CTNNA2: variants seen among roughly 807,000 people sequenced by gnomAD.
The protein encoded by CTNNA2 is catenin alpha-2.
A neutral mutation model predicts 101.0 loss-of-function variants in CTNNA2; 42 were observed. The observed-to-expected ratio is 0.42, with a 90% CI of 0.32 to 0.54. The LOEUF (loss-of-function observed/expected upper bound fraction) is 0.54, where lower values mean the gene tolerates loss of function less well. Ranked by LOEUF, CTNNA2 falls within the 20% of genes least tolerant of loss-of-function variation. The pLI, the probability that CTNNA2 is intolerant of heterozygous loss-of-function variation, is 0.14. For missense variants in CTNNA2, 871 were observed against 1,223.1 expected, an observed-to-expected ratio of 0.71 and a Z score of 4.29; for synonymous variants, 450 against 456.4, an observed-to-expected ratio of 0.99 and a Z score of 0.18.
chr2:79,747,313 A>C (rs58762590), intron 3 of CTNNA2, among the ~76,000 whole-genome samples: 1 of 152,194 alleles, frequency 6.6e-6, no homozygotes, highest in Non-Finnish European at 1.5e-5. Flanking sequence ...GTTTTCATGC[A>C]TCTATAGCCT....
intron 3 of CTNNA2, among the ~76,000 whole-genome samples, chr2:79,317,124 A>G (rs1006320042): frequency 2.0e-5 from 3 of 151,854 alleles, no homozygotes; most frequent in African/African-American, 7.2e-5. Flanking sequence ...AATAATGGGC[A>G]TTGGGTTTGT....
At chr2:79,209,042 A>T (rs1674135896) in intron 2 of CTNNA2, among the ~76,000 whole-genome samples, 1 of 152,148 alleles carries the variant, frequency 6.6e-6, no homozygotes, top group Non-Finnish European at 1.5e-5. Flanking sequence ...TAGGTTGGGC[A>T]TGGTGGCTCA....
At chr2:79,397,081 C>T (rs1211242830) in intron 4 of CTNNA2, among the ~76,000 whole-genome samples, 1 of 151,982 alleles carries the variant, frequency 6.6e-6, no homozygotes, top group Admixed American at 6.6e-5. Flanking sequence ...CCAGGGACTA[C>T]ATATTTTTAT....
intron 3 of CTNNA2, among the ~76,000 whole-genome samples, chr2:79,827,081 C>G (rs1328406422): frequency 6.6e-6 from 1 of 152,140 alleles, no homozygotes; most frequent in East Asian, 1.9e-4. Flanking sequence ...CTCTGTCACC[C>G]AGGCTGGAGT....
intron 15 of CTNNA2, among the ~76,000 whole-genome samples, chr2:80,591,457 G>GTTGTTTT (rs1553401310): frequency 4.3e-5 from 3 of 70,314 alleles, no homozygotes; most frequent in Admixed American, 1.8e-4. Context: ...TGCACAGCCT[G>GTTGTTTT]TTTTTTTTTT....
At chr2:79,539,233 A>G (rs1438783814) in intron 1 of CTNNA2, among the ~76,000 whole-genome samples, 4 of 152,174 alleles carry the variant, frequency 2.6e-5, no homozygotes, top group Non-Finnish European at 5.9e-5. Context: ...TGAGGCATGC[A>G]AATGGCAGGA....
intron 4 of CTNNA2, among the ~76,000 whole-genome samples, chr2:79,483,531 C>A (rs1671129703): frequency 6.6e-6 from 1 of 152,088 alleles, no homozygotes; most frequent in Non-Finnish European, 1.5e-5. Flanking sequence ...TCCAGTTCCC[C>A]ATGGGCTGGT....
chr2:79,487,226 G>A (rs1671167007), intron 4 of CTNNA2, among the ~76,000 whole-genome samples: 2 of 143,656 alleles, frequency 1.4e-5, no homozygotes, highest in Admixed American at 7.3e-5. Flanking sequence ...GCAAGTCTAA[G>A]GGAAAGATTG....
chr2:80,302,927 C>T lies in CTNNA2; in HGVS notation c.1057-90284C>T, dbSNP rs896430309. On this transcript the variant is annotated intron_variant, in intron 7 of 18. Transcript: ENST00000402739. The surrounding 1 kb of genome is among the most constrained non-coding windows in gnomAD (Gnocchi z 6.4). ...CAGGGACTTCCAAGAGTTGAGGATCCGGGGCTCGATGTAGGTGAGGCGGTT... is the reference window on the plus strand; with the variant it reads ...CAGGGACTTCCAAGAGTTGAGGATCTGGGGCTCGATGTAGGTGAGGCGGTT... The T allele has an allele frequency of 2.3e-5, 37 of 1,613,756 alleles. No homozygotes were observed. Among genetic ancestry groups the T allele is most frequent in the African/African-American group, 5.3e-5 (4 of 74,806 alleles).
Position 80,361,510 on chromosome 2 carries a change from A to G in CTNNA2, c.1057-31701A>G, listed in dbSNP as rs914249590. On this transcript the variant is annotated intron_variant, in intron 7 of 18. Transcript: ENST00000402739. ...TCACAAACTACATGTAGTTTCTTGA[A>G]TGGCTTATTCTTATTTCTAAGACAA... Among the ~76,000 whole-genome samples, 38 of 152,108 alleles carry G rather than the reference A, an allele frequency of 2.5e-4. 1 individual carries two copies. Among genetic ancestry groups the G allele is most frequent in the Middle Eastern group, 3.2e-3 (1 of 316 alleles).
intron 3 of CTNNA2, among the ~76,000 whole-genome samples, chr2:79,783,585 C>T (rs967272691): frequency 6.6e-6 from 1 of 152,154 alleles, no homozygotes; most frequent in African/African-American, 2.4e-5. Flanking sequence ...GGCTTACCTT[C>T]TTATCCCCTA....
At chr2:79,711,313 C>T (rs1323845203) in intron 2 of CTNNA2, among the ~76,000 whole-genome samples, 1 of 152,148 alleles carries the variant, frequency 6.6e-6, no homozygotes, top group Non-Finnish European at 1.5e-5. Flanking sequence ...TGCCTCATCT[C>T]TTCTGCTATT....
intron 3 of CTNNA2, among the ~76,000 whole-genome samples, chr2:79,774,317 TTGAA>T (rs1374760155): frequency 1.3e-5 from 2 of 152,214 alleles, no homozygotes; most frequent in Non-Finnish European, 2.9e-5. Context: ...ATGTGGCCAT[TTGAA>T]CCTTCTAGCC....
intron 12 of CTNNA2, among the ~76,000 whole-genome samples, chr2:80,570,748 C>T (rs1190692154): frequency 1.3e-5 from 2 of 152,032 alleles, no homozygotes; most frequent in Non-Finnish European, 2.9e-5. Context: ...TAGTTCTGTT[C>T]CAATCTCTTC....
At position 79,450,300 on chromosome 2, in the gene CTNNA2, C is replaced by T. The variant is rs572659897; in HGVS notation, c.-134-54754C>T. Among the ~76,000 whole-genome samples the T allele has an allele frequency of 1.2e-4, 19 of 152,042 alleles. No homozygotes were observed. In the South Asian group the frequency reaches 3.1e-3, roughly 25 times the overall value. On this transcript the variant is annotated intron_variant, in intron 4 of 21. Transcript: ENST00000466387. ...GATTCAACATTAAAGAATCATGCTA[C>T]GGTCCACTGGTATGTGAATCATACA...
At chr2:80,590,022 C>T (rs1007403041) in intron 15 of CTNNA2, among the ~76,000 whole-genome samples, 3 of 152,126 alleles carry the variant, frequency 2.0e-5, no homozygotes, top group African/African-American at 7.2e-5. Flanking sequence ...ATCTAAGATT[C>T]CATTGTTTTC....
chr2:79,265,709 G>A (rs1472915099), intron 2 of CTNNA2, among the ~76,000 whole-genome samples: 2 of 152,156 alleles, frequency 1.3e-5, no homozygotes, highest in Non-Finnish European at 2.9e-5. Context: ...GAGGTAATAA[G>A]AAGGAAAATT....
At chr2:80,378,996 G>A (rs1284345676) in intron 7 of CTNNA2, among the ~76,000 whole-genome samples, 1 of 152,072 alleles carries the variant, frequency 6.6e-6, no homozygotes, top group East Asian at 1.9e-4. Flanking sequence ...GCAGAAGTGG[G>A]ATTTAGGAGA....
intron 9 of CTNNA2, among the ~76,000 whole-genome samples, chr2:80,437,295 A>G (rs747438306): frequency 2.0e-5 from 3 of 152,202 alleles, no homozygotes; most frequent in Non-Finnish European, 4.4e-5. Flanking sequence ...ACTGAGAAAC[A>G]TACTTTAGGA....
Sources: allele counts gnomAD v4.1 joint callset (sites outside exome capture counted in the v4.1 genomes callset), GRCh38; gene constraint gnomAD v4.1.1; non-coding constraint Gnocchi (gnomAD v3.1); transcripts MANE v1.5; gene names NCBI Gene and HGNC (gene_info 2026-07-23, HGNC 2026-07-21).